Variants in DNAH11 observed in about 807,000 individuals in gnomAD.
DNAH11 encodes the protein dynein axonemal heavy chain 11.
In DNAH11, 442 loss-of-function variants were observed where a neutral mutation model predicts 526.0. The ratio of observed to expected loss-of-function variants is 0.84; its 90% CI spans 0.78 to 0.91. The LOEUF (loss-of-function observed/expected upper bound fraction) is 0.91, where lower values mean the gene tolerates loss of function less well. Among genes scored for constraint, DNAH11 ranks in the 40% least tolerant of loss-of-function variants. The probability of loss-of-function intolerance (pLI) is 0.00; values close to 1 mark genes in which losing one functional copy is unlikely to be tolerated. For missense variants in DNAH11, 6,989 were observed against 5,448.7 expected, an observed-to-expected ratio of 1.28 and a Z score of -8.90; for synonymous variants, 2,461 against 1,935.9, an observed-to-expected ratio of 1.27 and a Z score of -7.12.
rs1237661942 is a variant in DNAH11 at position 21,720,746 on chromosome 7, T to C, written c.7156T>C (p.Cys2386Arg). Residue 2386 changes from cysteine to arginine, a missense_variant, in exon 44 of 82, where the codon TGC becomes CGC. Transcript: ENST00000409508. The stretch of plus-strand genomic sequence containing the variant: ...TTAGACTCTATGTGTTCTTTTGGAG[T>C]GCTTGCTGACTCCTGAAAATGTACC... ...LVQTLCVLLE[C>R]LLTPENVPSD... The C allele has an allele frequency of 6.3e-7, 1 of 1,582,846 alleles. No individual in the cohort carries two copies.
At chr7:21,654,080 A>G (rs920177240) in intron 28 of DNAH11, among the ~76,000 whole-genome samples, 7 of 151,854 alleles carry the variant, frequency 4.6e-5, no homozygotes, top group African/African-American at 1.5e-4. Context: ...GCTCATATTT[A>G]TTTTTTTCTG....
chr7:21,649,389 T>C (rs555681778), intron 28 of DNAH11, among the ~76,000 whole-genome samples: 16 of 152,336 alleles, frequency 1.1e-4, no homozygotes, highest in Middle Eastern at 3.4e-3. Context: ...ACAATTTAAA[T>C]GTCCCTTAAC....
chr7:21,627,722 G>A (rs187705119), intron 25 of DNAH11, among the ~76,000 whole-genome samples: 323 of 152,170 alleles, frequency 2.1e-3, no homozygotes, highest in Non-Finnish European at 3.5e-3. Context: ...GATGCCTCTA[G>A]CTTTGTTCTT....
intron 8 of DNAH11, among the ~76,000 whole-genome samples, chr7:21,575,202 C>G (rs1344736153): frequency 2.0e-5 from 3 of 152,064 alleles, no homozygotes; most frequent in East Asian, 3.9e-4. Context: ...CTGCACCACC[C>G]TGTTAGTATT....
intron 13 of DNAH11, 46 bp from the exon 14 acceptor site, chr7:21,591,139 A>C: frequency 6.6e-7 from 1 of 1,526,002 alleles, no homozygotes; most frequent in Non-Finnish European, 8.7e-7. Context: ...CAGAGAAAAT[A>C]GCTAACATAT....
At chr7:21,572,718 G>C (rs1783941473) in intron 8 of DNAH11, among the ~76,000 whole-genome samples, 1 of 152,204 alleles carries the variant, frequency 6.6e-6, no homozygotes, top group African/African-American at 2.4e-5. Flanking sequence ...AGTGCAGTAT[G>C]TTAGCTTTAT....
At chr7:21,630,760 T>C (rs912940068) in intron 25 of DNAH11, among the ~76,000 whole-genome samples, 1 of 152,234 alleles carries the variant, frequency 6.6e-6, no homozygotes, top group Non-Finnish European at 1.5e-5. Flanking sequence ...CTCTGTGTCC[T>C]TGACCTTTGA....
chr7:21,601,567 C>G lies in DNAH11; in HGVS notation c.3597C>G (p.Leu1199=). Residue 1199 remains leucine, a synonymous_variant, in exon 18 of 82, where the codon CTC becomes CTG. Transcript: ENST00000409508. The part of the protein sequence containing the change: ...LFEPLKETIT[L]LESYGQKMPE... ...AACCTCTAAAAGAAACGATCACCCTCTTGGAAAGCTATGGCCAGAAGATGC... is the reference window on the plus strand; with the variant it reads ...AACCTCTAAAAGAAACGATCACCCTGTTGGAAAGCTATGGCCAGAAGATGC... 2 of 1,608,716 alleles carry G rather than the reference C, an allele frequency of 1.2e-6. No individual in the cohort carries two copies. Among genetic ancestry groups the G allele is most frequent in the Non-Finnish European group, 8.5e-7 (1 of 1,175,934 alleles).
chr7:21,599,967 T>A lies in DNAH11; in HGVS notation c.2848T>A (p.Leu950Met). The change falls in exon 15 of 82, where the codon TTG (leucine) becomes ATG (methionine). Residue 950 changes from leucine (L) to methionine (M), a missense_variant. Coordinates refer to ENST00000409508, the MANE Select transcript of DNAH11 (RefSeq NM_001277115.2). Reference protein sequence around the residue: ...PAPFFQAQMILLPPEIVFKPS... With the variant: ...PAPFFQAQMIMLPPEIVFKPS... ...ACCGTTTTTTCAAGCACAAATGATC[T>A]TGTTGCCTCCTGAGATTGTGTTTAA... 6.2e-7 allele frequency: 1 copy of A among 1,613,806 alleles called. No homozygotes were observed. The highest frequency in any genetic ancestry group is 8.5e-7 in the Non-Finnish European group (1 of 1,179,838).
At position 21,899,843 on chromosome 7, in the gene DNAH11, TCCAGCG is replaced by T. The variant is rs1784686306; in HGVS notation, c.13163-135_13163-130del. Reference sequence around the variant, plus strand: ...AGGCCTTAGTTGGCCAACCCCCTGCTCCAGCGCAGCCATGTGCCAATGCCCAAGAAC... The same window carrying T: ...AGGCCTTAGTTGGCCAACCCCCTGCTCAGCCATGTGCCAATGCCCAAGAAC... On this transcript the variant is annotated intron_variant, in intron 80 of 81. Coordinates refer to ENST00000409508, the MANE Select transcript of DNAH11 (RefSeq NM_001277115.2). 2.8e-6 allele frequency: 3 copies of T among 1,064,120 alleles called. No individual in the cohort carries two copies. In the South Asian group the frequency reaches 5.3e-5, roughly 19 times the overall value. The allele number at this position is 1,064,120 out of a possible 1,614,324, so 65.9% of individuals were successfully genotyped here.
rs376901785 is a variant in DNAH11 at position 21,639,347 on chromosome 7, A to G, written c.4944+282A>G. Among the ~76,000 whole-genome samples the G allele has an allele frequency of 0.041, 6,289 of 152,290 alleles. 195 individuals carry two copies. Among genetic ancestry groups the G allele is most frequent in the Non-Finnish European group, 0.064 (4,340 of 68,008 alleles). On this transcript the variant is annotated intron_variant, in intron 28 of 81. Transcript: ENST00000409508. ...AAGAAACACTGTCGCCAAATCCCCC[A>G]GAATTCTGGGACAAGAACTGGGACA...
chr7:21,801,713 A>G (rs567535219), intron 62 of DNAH11, among the ~76,000 whole-genome samples: 1 of 152,312 alleles, frequency 6.6e-6, no homozygotes, highest in Non-Finnish European at 1.5e-5. Context: ...TGGCTGCTAG[A>G]TAATTATGAA....
chr7:21,634,582 A>G (rs1786769178), intron 25 of DNAH11, among the ~76,000 whole-genome samples: 1 of 152,206 alleles, frequency 6.6e-6, no homozygotes, highest in Non-Finnish European at 1.5e-5. Context: ...GCTCCATGGC[A>G]TTAAAACAAG....
At chr7:21,550,785 T>A (rs529643880) in intron 2 of DNAH11, among the ~76,000 whole-genome samples, 13 of 152,312 alleles carry the variant, frequency 8.5e-5, no homozygotes, top group African/African-American at 2.6e-4. Context: ...TTTGACCACA[T>A]TCCCAGTGGT....
chr7:21,873,784 C>CTTTTGTTTTTTT (rs1783591078), intron 74 of DNAH11, among the ~76,000 whole-genome samples: 2 of 70,700 alleles, frequency 2.8e-5, no homozygotes, highest in Non-Finnish European at 4.7e-5. Context: ...GAGGAGGTTG[C>CTTTTGTTTTTTT]TTTTTTTTTT....
intron 35 of DNAH11, among the ~76,000 whole-genome samples, chr7:21,692,193 A>G (rs1271444690): frequency 1.3e-5 from 2 of 152,200 alleles, no homozygotes; most frequent in African/African-American, 2.4e-5. Context: ...TAGAGATAAA[A>G]TTGTAAGGTT....
Position 21,901,270 on chromosome 7 carries a change from C to T in DNAH11, c.*16C>T, listed in dbSNP as rs72658841. On this transcript the variant is annotated 3_prime_UTR_variant, in exon 82 of 82. Transcript: ENST00000409508. ...AGAAGCGTAAGGTAACACTGGCATTCCTCTAGCCTCTGCTGGAGTGCAGTG... is the reference window on the plus strand; with the variant it reads ...AGAAGCGTAAGGTAACACTGGCATTTCTCTAGCCTCTGCTGGAGTGCAGTG... The T allele has an allele frequency of 3.1e-3, 4,898 of 1,587,120 alleles. 120 individuals carry two copies. In the African/African-American group the frequency reaches 0.056, roughly 18 times the overall value.
intron 45 of DNAH11, among the ~76,000 whole-genome samples, chr7:21,727,081 C>G (rs956308401): frequency 1.3e-5 from 2 of 150,126 alleles, no homozygotes; most frequent in Non-Finnish European, 3.0e-5. Context: ...CTACAGGTGC[C>G]CGCCACCACG....
rs772691666 is a variant in DNAH11, at chr7:21,779,063, G to C, written c.9442G>C (p.Val3148Leu). The change falls in exon 57 of 82, where the codon GTG becomes CTG. Residue 3148 changes from valine (V) to leucine (L), a missense_variant. By Grantham distance (32) the Val-to-Leu change is conservative. Coordinates refer to ENST00000409508, the MANE Select transcript of DNAH11 (RefSeq NM_001277115.2). ...AAAGATCGGCCTTCAGACGGAGAAA[G>C]TGAGCCGGGAAAAGACCATCGCTGA... is the stretch of plus-strand genomic sequence containing the variant. Reference protein sequence around the residue: ...ITKIGLQTEKVSREKTIADAE... With the variant: ...ITKIGLQTEKLSREKTIADAE... 6.2e-7 allele frequency: 1 copy of C among 1,613,458 alleles called. No homozygotes were observed. Among genetic ancestry groups the C allele is most frequent in the Non-Finnish European group, 8.5e-7 (1 of 1,179,550 alleles).
Sources: allele counts gnomAD v4.1 joint callset (sites outside exome capture counted in the v4.1 genomes callset), GRCh38; gene constraint gnomAD v4.1.1; transcripts MANE v1.5; gene names NCBI Gene and HGNC (gene_info 2026-07-23, HGNC 2026-07-21).